The following BTNL8 variants were observed in gnomAD, a reference collection of about 807,000 sequenced individuals.
BTNL8 encodes the protein butyrophilin like 8, also known as butyrophilin-like protein 8.
In BTNL8, 22 loss-of-function variants were observed where a neutral mutation model predicts 36.1. That is an observed-to-expected ratio of 0.61 (90% CI 0.44 to 0.87). The LOEUF (loss-of-function observed/expected upper bound fraction) is 0.87, where lower values mean the gene tolerates loss of function less well. BTNL8 is among the 40% of genes least tolerant of loss of function. The pLI, the probability that BTNL8 is intolerant of heterozygous loss-of-function variation, is 0.00. For missense variants in BTNL8, 526 were observed against 616.9 expected, an observed-to-expected ratio of 0.85 and a Z score of 1.56; for synonymous variants, 203 against 235.6, an observed-to-expected ratio of 0.86 and a Z score of 1.27.
At position 180,935,206 on chromosome 5, in the gene BTNL8, C is replaced by T. The variant is rs528796843; in HGVS notation, c.674-12306C>T. ...CTGACTCCAGGCAGTGGACTCCACC[C>T]GGAACTGGCAGCCCAGCCCCCAGGC... On this transcript the variant is annotated intron_variant, in intron 3 of 7. Coordinates refer to ENST00000340184, the MANE Select transcript of BTNL8 (RefSeq NM_001040462.3). This position sits in a 1 kb window ranked among gnomAD's most constrained non-coding sequence, Gnocchi z 4.8. Among the ~76,000 whole-genome samples, 26 of 152,164 alleles carry T rather than the reference C, an allele frequency of 1.7e-4. No homozygotes were observed. The highest frequency in any genetic ancestry group is 2.2e-4 in the Non-Finnish European group (15 of 68,018).
chr5:180,911,473 G>A lies in BTNL8; in HGVS notation c.532G>A (p.Asp178Asn). Reference sequence around the variant, plus strand: ...TCCACAAGGACAGGATTTGTCCACAGACTCCAGGACAAACAGAGACATGCA... The same window carrying A: ...TCCACAAGGACAGGATTTGTCCACAAACTCCAGGACAAACAGAGACATGCA... ...KGPQGQDLST[D>N]SRTNRDMHGL... The change falls in exon 3 of 8, where the codon GAC becomes AAC. Residue 178 changes from aspartate (D) to asparagine (N), a missense_variant. Asp to Asn is a conservative substitution (Grantham distance 23). Transcript: ENST00000340184. The A allele has an allele frequency of 6.2e-7, 1 of 1,614,200 alleles. No individual in the cohort carries two copies. Among genetic ancestry groups the A allele is most frequent in the African/African-American group, 1.3e-5 (1 of 75,058 alleles).
intron 3 of BTNL8, among the ~76,000 whole-genome samples, chr5:180,919,215 GTC>G (rs1346502062): frequency 6.6e-6 from 1 of 152,178 alleles, no homozygotes; most frequent in African/African-American, 2.4e-5. Context: ...GCTACAAAGA[GTC>G]TGTTTTGTCA....
chr5:180,915,119 G>A (rs1245151158), intron 3 of BTNL8, among the ~76,000 whole-genome samples: 1 of 152,032 alleles, frequency 6.6e-6, no homozygotes, highest in Non-Finnish European at 1.5e-5. Context: ...CCAGTGCATG[G>A]ACCTGAACAA....
rs562569113 is a variant in BTNL8 at position 180,920,009 on chromosome 5, A to G, written c.673+8395A>G. Reference sequence around the variant, plus strand: ...ATTAAAATTCAAAGGCATTTCTCACAGAATTAGAAAACAATCTAAATTCAC... The same window carrying G: ...ATTAAAATTCAAAGGCATTTCTCACGGAATTAGAAAACAATCTAAATTCAC... On this transcript the variant is annotated intron_variant, in intron 3 of 7. Coordinates refer to ENST00000340184, the MANE Select transcript of BTNL8 (RefSeq NM_001040462.3). Among the ~76,000 whole-genome samples the G allele has an allele frequency of 2.0e-5, 3 of 152,330 alleles. No individual in the cohort carries two copies. The South Asian group carries it at 6.2e-4, about 32-fold the overall frequency.
intron 3 of BTNL8, among the ~76,000 whole-genome samples, chr5:180,930,201 C>A (rs1758304286): frequency 6.6e-6 from 1 of 152,122 alleles, no homozygotes; most frequent in Non-Finnish European, 1.5e-5. Context: ...ATAAACAGAA[C>A]CAATGACAAA....
intron 1 of BTNL8, among the ~76,000 whole-genome samples, chr5:180,906,117 TG>T (rs1332314175): frequency 7.0e-6 from 1 of 142,802 alleles, no homozygotes; most frequent in Non-Finnish European, 1.5e-5. Flanking sequence ...ATGTTGACAG[TG>T]GGGTGTTAAA....
At position 180,899,216 on chromosome 5, in the gene BTNL8, G is replaced by A. The variant is rs1011922510; in HGVS notation, c.-95G>A. On this transcript the variant is annotated 5_prime_UTR_variant, in exon 1 of 8. Coordinates refer to ENST00000340184, the MANE Select transcript of BTNL8 (RefSeq NM_001040462.3). ...AGCCTCTCCGTGGCTTCCGCACCTT[G>A]AGCATTAGGCCAGTTCTCCTCTTCT... 1.3e-6 allele frequency: 2 copies of A among 1,482,364 alleles called. No homozygotes were observed. The highest frequency in any genetic ancestry group is 2.3e-5 in the East Asian group (1 of 44,188). The allele number at this position is 1,482,364 out of a possible 1,614,324, so 91.8% of individuals were successfully genotyped here.
intron 3 of BTNL8, among the ~76,000 whole-genome samples, chr5:180,920,050 A>T (rs769381676): frequency 7.9e-5 from 12 of 152,204 alleles, no homozygotes; most frequent in Non-Finnish European, 1.5e-4. Flanking sequence ...ATCACAAAAG[A>T]CCCTGAATAG....
chr5:180,924,565 T>C (rs1246433347), intron 3 of BTNL8, among the ~76,000 whole-genome samples: 3 of 152,200 alleles, frequency 2.0e-5, no homozygotes, highest in Non-Finnish European at 2.9e-5. Flanking sequence ...GCACAGGTAG[T>C]GGCCCAGCCC....
intron 3 of BTNL8, among the ~76,000 whole-genome samples, chr5:180,946,329 G>C (rs1047609804): frequency 2.0e-5 from 3 of 152,122 alleles, no homozygotes; most frequent in Non-Finnish European, 2.9e-5. Flanking sequence ...TGGAATAGCT[G>C]TATTACTCAC....
At chr5:180,913,527 AT>A (rs1287261848) in intron 3 of BTNL8, among the ~76,000 whole-genome samples, 2 of 152,242 alleles carry the variant, frequency 1.3e-5, no homozygotes, top group African/African-American at 4.8e-5. Context: ...CAGAGAATCC[AT>A]GTCAAATGAT....
At chr5:180,908,499 C>T in intron 1 of BTNL8, 87 bp from the exon 2 acceptor site, 1 of 1,286,246 alleles carries the variant, frequency 7.8e-7, no homozygotes, top group Non-Finnish European at 1.1e-6. Flanking sequence ...GAGCTGTAGA[C>T]CGGAGCTGTT....
intron 3 of BTNL8, among the ~76,000 whole-genome samples, chr5:180,934,993 G>C (rs975053227): frequency 1.3e-5 from 2 of 152,194 alleles, no homozygotes; most frequent in African/African-American, 4.8e-5. Context: ...ATTCTCAGGA[G>C]ACCTGAAGTG....
intron 3 of BTNL8, among the ~76,000 whole-genome samples, chr5:180,914,908 T>C (rs561746892): frequency 6.6e-6 from 1 of 152,282 alleles, no homozygotes; most frequent in Non-Finnish European, 1.5e-5. Context: ...GGTAACTCAG[T>C]GCCAAGAGAG....
At chr5:180,918,726 T>C (rs2113800756) in intron 3 of BTNL8, among the ~76,000 whole-genome samples, 1 of 152,312 alleles carries the variant, frequency 6.6e-6, no homozygotes, top group Non-Finnish European at 1.5e-5. Context: ...ATGTAAGGTG[T>C]ACACTGGTTT....
rs1288456953 is a variant in BTNL8 at position 180,899,165 on chromosome 5, G to C, written c.-146G>C. On this transcript the variant is annotated 5_prime_UTR_variant, in exon 1 of 8. Coordinates refer to ENST00000340184, the MANE Select transcript of BTNL8 (RefSeq NM_001040462.3). ...CTCGATGGAGTAGACTCTCAGAACAGCGCAGTTTGCCCTCCGCTCACGCAG... is the reference window on the plus strand; with the variant it reads ...CTCGATGGAGTAGACTCTCAGAACACCGCAGTTTGCCCTCCGCTCACGCAG... The C allele has an allele frequency of 1.4e-5, 12 of 839,066 alleles. No homozygotes were observed. Among genetic ancestry groups the C allele is most frequent in the Non-Finnish European group, 1.8e-5 (9 of 505,734 alleles). The allele number at this position is 839,066 out of a possible 1,614,324, so 52.0% of individuals were successfully genotyped here.
At chr5:180,930,114 A>G (rs759282629) in intron 3 of BTNL8, among the ~76,000 whole-genome samples, 9 of 152,244 alleles carry the variant, frequency 5.9e-5, no homozygotes, top group Non-Finnish European at 1.2e-4. Context: ...AACCGTATCC[A>G]CCACGATCAA....
In BTNL8 at chr5:180,901,009, C is replaced by G. The variant is rs539286176; in HGVS notation, c.49+1650C>G. Among the ~76,000 whole-genome samples the G allele has an allele frequency of 7.9e-5, 12 of 152,298 alleles. No individual in the cohort carries two copies. The South Asian group carries it at 2.3e-3, about 29-fold the overall frequency. The stretch of plus-strand genomic sequence containing the variant: ...CAGAGGCCAGGCTCCAGGGACGGAG[C>G]TGTCAGCAGGCAGGGAAATGCCCAT... On this transcript the variant is annotated intron_variant, in intron 1 of 7. Coordinates refer to ENST00000340184, the MANE Select transcript of BTNL8 (RefSeq NM_001040462.3).
chr5:180,901,825 A>G (rs1357647718), intron 1 of BTNL8, among the ~76,000 whole-genome samples: 5 of 152,240 alleles, frequency 3.3e-5, no homozygotes, highest in African/African-American at 1.2e-4. Context: ...AAAAATTACT[A>G]CACAAGCGTA....
Sources: gnomAD v4.1 joint callset for allele counts (sites outside exome capture counted in the v4.1 genomes callset) on GRCh38, gnomAD v4.1.1 for gene constraint, Gnocchi (gnomAD v3.1) non-coding constraint, MANE v1.5 for transcripts, NCBI Gene and HGNC (gene_info 2026-07-23, HGNC 2026-07-21) for gene names.